Variants in HNMT observed in about 807,000 individuals in gnomAD.
HNMT encodes histamine N-methyltransferase.
Under a neutral mutation model 32.1 loss-of-function variants are expected in HNMT, and 30 were observed. That is an observed-to-expected ratio of 0.93 (90% CI 0.70 to 1.27). The LOEUF (loss-of-function observed/expected upper bound fraction) is 1.27, where lower values mean the gene tolerates loss of function less well. Among genes scored for constraint, HNMT ranks in the 50% most tolerant of loss-of-function variants. The pLI, the probability that HNMT is intolerant of heterozygous loss-of-function variation, is 0.00. For synonymous variants in HNMT, 125 were observed against 119.0 expected (o/e 1.05, Z -0.33); for missense variants, 327 against 346.0 (o/e 0.95, Z 0.43).
intron 5 of HNMT, among the ~76,000 whole-genome samples, chr2:138,007,697 C>T (rs995429570): frequency 6.6e-6 from 1 of 151,994 alleles, no homozygotes; most frequent in African/African-American, 2.4e-5. Flanking sequence ...GTGCTGCAGC[C>T]GCCCTTTCTC....
intron 2 of HNMT, among the ~76,000 whole-genome samples, chr2:137,991,258 A>G (rs749876824): frequency 8.5e-5 from 13 of 152,324 alleles, no homozygotes; most frequent in Non-Finnish European, 1.8e-4. Context: ...TGGGCCTTTT[A>G]TGAAAACTTC....
chr2:138,010,445 A>ACG (rs1381813318), intron 5 of HNMT, among the ~76,000 whole-genome samples: 1 of 116,764 alleles, frequency 8.6e-6, no homozygotes, highest in Admixed American at 8.3e-5. Flanking sequence ...ACACACGCAC[A>ACG]CACACACACA....
At chr2:137,986,689 A>G (rs1302153788) in intron 2 of HNMT, among the ~76,000 whole-genome samples, 1 of 152,230 alleles carries the variant, frequency 6.6e-6, no homozygotes, top group Non-Finnish European at 1.5e-5. Flanking sequence ...TGGAAGATAA[A>G]CACTTCGAAA....
rs766483632 is a variant in HNMT, at chr2:138,013,935, C to G, written c.684C>G (p.Asp228Glu). 3 of 1,613,780 alleles carry G rather than the reference C, an allele frequency of 1.9e-6. No individual in the cohort carries two copies. The Admixed American group carries it at 5.0e-5, about 27-fold the overall frequency. Reference sequence around the variant, plus strand: ...TTTTGTCCACCATGGATATATCTGACTGCTTTATTGATGGTAATGAAAATG... The same window carrying G: ...TTTTGTCCACCATGGATATATCTGAGTGCTTTATTGATGGTAATGAAAATG... ...YDLLSTMDIS[D>E]CFIDGNENGD... is the part of the protein sequence containing the mutation. Residue 228 changes from aspartate (D) to glutamate (E), a missense_variant, in exon 6 of 6, where the codon GAC (aspartate) becomes GAG (glutamate). Asp to Glu is a conservative substitution (Grantham distance 45). Transcript: ENST00000280097.
In HNMT at chr2:138,014,212, C is replaced by T. The variant is rs939827478; in HGVS notation, c.*82C>T. ...TTTATTTCCATATTAAAATCACAAA[C>T]TCATCCATTAATGTAGATAAAGCAC... On this transcript the variant is annotated 3_prime_UTR_variant, in exon 6 of 6. Transcript: ENST00000280097. 2 of 892,450 alleles carry T rather than the reference C, an allele frequency of 2.2e-6. No homozygotes were observed. The highest frequency in any genetic ancestry group is 2.6e-5 in the East Asian group (1 of 38,630). 55.3% of individuals were successfully genotyped at this position (892,450 alleles called of 1,614,324 possible).
At chr2:137,982,114 G>A (rs1004799254) in intron 2 of HNMT, among the ~76,000 whole-genome samples, 1 of 152,162 alleles carries the variant, frequency 6.6e-6, no homozygotes, top group Non-Finnish European at 1.5e-5. Flanking sequence ...CTCCCGAAGT[G>A]CTGGGATTAC....
chr2:138,005,151 A>G lies in HNMT; in HGVS notation c.449A>G (p.Asp150Gly), dbSNP rs1681291776. The part of the protein sequence containing the change: ...HMIQMLYYVK[D>G]IPATLKFFHS... ...TTCTAGATGCTGTATTATGTAAAAG[A>G]CATCCCAGCTACCCTGAAATTCTTC... Residue 150 changes from aspartate to glycine, a missense_variant, in exon 5 of 6, where the codon GAC becomes GGC. Transcript: ENST00000280097. 2 of 1,589,974 alleles carry G rather than the reference A, an allele frequency of 1.3e-6. No individual in the cohort carries two copies. The highest frequency in any genetic ancestry group is 1.7e-6 in the Non-Finnish European group (2 of 1,158,702).
chr2:138,003,620 A>G (rs1321679045), intron 4 of HNMT, among the ~76,000 whole-genome samples: 2 of 151,998 alleles, frequency 1.3e-5, no homozygotes, highest in African/African-American at 4.8e-5. Flanking sequence ...ACTTCCTCAC[A>G]TAACTATTTC....
intron 5 of HNMT, among the ~76,000 whole-genome samples, chr2:138,012,963 G>T (rs1248612692): frequency 2.0e-5 from 3 of 151,688 alleles, no homozygotes; most frequent in African/African-American, 7.3e-5. Context: ...GCCCTTATGC[G>T]CCAGTACTCT....
At chr2:137,993,338 A>C (rs1031935095) in intron 2 of HNMT, among the ~76,000 whole-genome samples, 1 of 152,146 alleles carries the variant, frequency 6.6e-6, no homozygotes, top group Non-Finnish European at 1.5e-5. Flanking sequence ...AACTAGAATA[A>C]CCAGTTTAGA....
chr2:137,981,054 G>A (rs904724172), intron 2 of HNMT, among the ~76,000 whole-genome samples: 1 of 151,946 alleles, frequency 6.6e-6, no homozygotes. Context: ...TTCTAGTAGA[G>A]GGAACAAAAA....
intron 1 of HNMT, chr2:137,967,103 G>A (rs145915370): frequency 1.3e-6 from 1 of 780,372 alleles, no homozygotes; most frequent in Non-Finnish European, 2.4e-6. Context: ...TTAGATACCA[G>A]AATTGCTGTT....
At position 138,014,810 on chromosome 2, in the gene HNMT, C is replaced by A. The variant is rs2104996789; in HGVS notation, c.*680C>A. On this transcript the variant is annotated 3_prime_UTR_variant, in exon 6 of 6. Coordinates refer to ENST00000280097, the MANE Select transcript of HNMT (RefSeq NM_006895.3). ...CTTCTGATACATTTTAAAAGACCTT[C>A]TAAAACCAAGGTTTTAGAATACTAA... 6.6e-6 allele frequency: 1 copy of A among 151,926 alleles called. No individual in the cohort carries two copies. The highest frequency in any genetic ancestry group is 6.6e-5 in the Admixed American group (1 of 15,238). 9.4% of individuals were successfully genotyped at this position (151,926 alleles called of 1,614,324 possible).
At chr2:137,990,521 G>C (rs1315883466) in intron 2 of HNMT, among the ~76,000 whole-genome samples, 2 of 152,028 alleles carry the variant, frequency 1.3e-5, no homozygotes, top group East Asian at 3.9e-4. Flanking sequence ...GATAGTGTCG[G>C]TTCTCCAACT....
chr2:137,966,814 A>G (rs1264291727), intron 1 of HNMT, among the ~76,000 whole-genome samples: 1 of 152,120 alleles, frequency 6.6e-6, no homozygotes, highest in African/African-American at 2.4e-5. Context: ...CTATACAACT[A>G]TTAAGGAGGG....
In HNMT at chr2:138,014,844, C is replaced by T. The variant is rs1681616409; in HGVS notation, c.*714C>T. ...AGGTTTTAGAATACTAACATTTTAT[C>T]AAAATAATATTATAGTTTTGCTTTT... is the stretch of plus-strand genomic sequence containing the variant. On this transcript the variant is annotated 3_prime_UTR_variant, in exon 6 of 6. Coordinates refer to ENST00000280097, the MANE Select transcript of HNMT (RefSeq NM_006895.3). 6.6e-6 allele frequency: 1 copy of T among 151,690 alleles called. No individual in the cohort carries two copies. Among genetic ancestry groups the T allele is most frequent in the Non-Finnish European group, 1.5e-5 (1 of 67,932 alleles). 9.4% of individuals were successfully genotyped at this position (151,690 alleles called of 1,614,324 possible). A position where few individuals can be genotyped will look rare whatever the true frequency, so the allele number is the denominator to read the frequency against.
At chr2:137,997,949 A>G (rs1681046081) in intron 2 of HNMT, among the ~76,000 whole-genome samples, 1 of 152,186 alleles carries the variant, frequency 6.6e-6, no homozygotes, top group African/African-American at 2.4e-5. Context: ...GTTCTCATTC[A>G]TAAGTGGCAG....
At chr2:137,975,520 G>A (rs896580289) in intron 2 of HNMT, among the ~76,000 whole-genome samples, 1 of 152,152 alleles carries the variant, frequency 6.6e-6, no homozygotes, top group African/African-American at 2.4e-5. Context: ...GGAGTCCCAG[G>A]ATTTTATTTT....
chr2:138,014,048 T>A lies in HNMT; in HGVS notation c.797T>A (p.Leu266Gln). 2 of 1,613,626 alleles carry A rather than the reference T, an allele frequency of 1.2e-6. No homozygotes were observed. Among genetic ancestry groups the A allele is most frequent in the Non-Finnish European group, 1.7e-6 (2 of 1,179,680 alleles). ...PDLRAELGKD[L>Q]QEPEFSAKKE... Reference sequence around the variant, plus strand: ...CTCAGAGCAGAGCTTGGGAAAGATCTACAAGAGCCTGAATTTAGTGCTAAG... The same window carrying A: ...CTCAGAGCAGAGCTTGGGAAAGATCAACAAGAGCCTGAATTTAGTGCTAAG... Residue 266 changes from leucine (L) to glutamine (Q), a missense_variant, in exon 6 of 6, where the codon CTA becomes CAA. Transcript: ENST00000280097.
Sources: gnomAD v4.1 joint callset for allele counts (sites outside exome capture counted in the v4.1 genomes callset) on GRCh38, gnomAD v4.1.1 for gene constraint, MANE v1.5 for transcripts, NCBI Gene and HGNC (gene_info 2026-07-23, HGNC 2026-07-21) for gene names.